Variants in TAF1B observed in about 807,000 individuals in gnomAD.
TAF1B encodes the protein TATA box-binding protein-associated factor RNA polymerase I subunit B.
In TAF1B, 61 loss-of-function variants were observed where a neutral mutation model predicts 83.9. The ratio of observed to expected loss-of-function variants is 0.73; its 90% CI spans 0.59 to 0.90. The LOEUF (loss-of-function observed/expected upper bound fraction) is 0.90, where lower values mean the gene tolerates loss of function less well. TAF1B is among the 40% of genes least tolerant of loss of function. TAF1B has a pLI of 0.00. For synonymous variants in TAF1B, 221 were observed against 224.6 expected (o/e 0.98, Z 0.14); for missense variants, 625 against 677.0 (o/e 0.92, Z 0.85).
intron 5 of TAF1B, among the ~76,000 whole-genome samples, chr2:9,865,260 A>G (rs1395143718): frequency 1.3e-5 from 2 of 152,222 alleles, no homozygotes; most frequent in Non-Finnish European, 2.9e-5. Context: ...TACAAAATCA[A>G]TGTGCAAAAA....
In TAF1B at chr2:9,868,386, C is replaced by T. The variant is rs1664061957; in HGVS notation, c.510C>T (p.Ile170=). 1.2e-6 allele frequency: 2 copies of T among 1,613,854 alleles called. No homozygotes were observed. Among genetic ancestry groups the T allele is most frequent in the South Asian group, 2.2e-5 (2 of 91,056 alleles). Residue 170 remains isoleucine, a synonymous_variant, in exon 6 of 15, where the codon ATC becomes ATT. Transcript: ENST00000263663. ...GTGGAGCGGAGTCTCAGTCTGACAT[C>T]CACACTCGAAAACCTTTCCCCGTCA... The part of the protein sequence containing the change: ...LESGAESQSD[I]HTRKPFPVSK...
chr2:9,849,475 C>G lies in TAF1B; in HGVS notation c.205+15C>G. 10 of 1,502,150 alleles carry G rather than the reference C, an allele frequency of 6.7e-6. No individual in the cohort carries two copies. The highest frequency in any genetic ancestry group is 8.9e-6 in the Non-Finnish European group (10 of 1,117,690). 93.1% of individuals were successfully genotyped at this position (1,502,150 alleles called of 1,614,324 possible). On this transcript the variant is annotated intron_variant, in intron 3 of 14. Transcript: ENST00000263663. ...AAACAATACTGGTAAGTTCTTTCTT[C>G]ATATGTACTTAACATTCTTTATTCA...
intron 2 of TAF1B, among the ~76,000 whole-genome samples, chr2:9,847,606 A>G (rs1392862894): frequency 1.3e-5 from 2 of 152,122 alleles, no homozygotes; most frequent in African/African-American, 2.4e-5. Context: ...TTCCAGATTG[A>G]TAAAGGAACC....
chr2:9,860,929 G>A (rs2087976594), intron 5 of TAF1B, among the ~76,000 whole-genome samples: 1 of 152,188 alleles, frequency 6.6e-6, no homozygotes, highest in East Asian at 1.9e-4. Flanking sequence ...ATGGTTGCTG[G>A]GGTCAAGGGA....
In TAF1B at chr2:9,843,478, C is replaced by T; in HGVS notation, c.-64C>T. 6.6e-7 allele frequency: 1 copy of T among 1,514,408 alleles called. No homozygotes were observed. Among genetic ancestry groups the T allele is most frequent in the South Asian group, 1.2e-5 (1 of 82,124 alleles). 93.8% of individuals were successfully genotyped at this position (1,514,408 alleles called of 1,614,324 possible). ...CCGGCCGGAAGCTTCTCCAGCCTTT[C>T]CCGGAAGCTGCGCTCGCTACCCGGG... is the stretch of plus-strand genomic sequence containing the variant. On this transcript the variant is annotated 5_prime_UTR_variant, in exon 1 of 15. Transcript: ENST00000263663.
chr2:9,853,454 AG>A (rs1204591715), intron 4 of TAF1B, among the ~76,000 whole-genome samples: 1 of 151,902 alleles, frequency 6.6e-6, no homozygotes, highest in Non-Finnish European at 1.5e-5. Flanking sequence ...TAAATGGAAA[AG>A]TCTTTCTGTT....
At chr2:9,863,916 C>T (rs1663870142) in intron 5 of TAF1B, among the ~76,000 whole-genome samples, 1 of 152,040 alleles carries the variant, frequency 6.6e-6, no homozygotes, top group African/African-American at 2.4e-5. Flanking sequence ...AAAGACACAA[C>T]ATACCAGAAC....
intron 3 of TAF1B, among the ~76,000 whole-genome samples, chr2:9,851,289 C>T (rs962852007): frequency 3.3e-5 from 5 of 151,780 alleles, no homozygotes; most frequent in African/African-American, 7.3e-5. Flanking sequence ...CATTTGAAAT[C>T]GGAAATTATA....
At chr2:9,869,933 C>T (rs559758320) in intron 6 of TAF1B, among the ~76,000 whole-genome samples, 32 of 151,984 alleles carry the variant, frequency 2.1e-4, no homozygotes, top group Admixed American at 5.9e-4. Context: ...CAGATAGTCA[C>T]GAAGAAAATA....
chr2:9,867,302 C>T (rs964306830), intron 5 of TAF1B, among the ~76,000 whole-genome samples: 1 of 152,120 alleles, frequency 6.6e-6, no homozygotes, highest in Non-Finnish European at 1.5e-5. Context: ...CAGGCAGAGG[C>T]AGAGTATGTG....
At chr2:9,912,753 T>A (rs1344497825) in intron 11 of TAF1B, among the ~76,000 whole-genome samples, 2 of 152,226 alleles carry the variant, frequency 1.3e-5, no homozygotes, top group Non-Finnish European at 2.9e-5. Context: ...AAGTTGTGAT[T>A]TACTCCAGGT....
chr2:9,926,821 AAGAG>A (rs386389506), intron 14 of TAF1B, among the ~76,000 whole-genome samples: 2 of 151,398 alleles, frequency 1.3e-5, no homozygotes, highest in South Asian at 2.1e-4. Flanking sequence ...AAAAAAAAAA[AAGAG>A]AGATTGGCAG....
In TAF1B at chr2:9,843,528, C is replaced by T. The variant is rs530431227; in HGVS notation, c.-14C>T. Reference sequence around the variant, plus strand: ...GTAACGGGTCCCGGCTGTGGAAGCTCCCGCGGCGCCGCGATGGACCTCGAG... The same window carrying T: ...GTAACGGGTCCCGGCTGTGGAAGCTTCCGCGGCGCCGCGATGGACCTCGAG... On this transcript the variant is annotated 5_prime_UTR_variant, in exon 1 of 15. Coordinates refer to ENST00000263663, the MANE Select transcript of TAF1B (RefSeq NM_005680.3). 29 of 1,523,342 alleles carry T rather than the reference C, an allele frequency of 1.9e-5. No individual in the cohort carries two copies. Among genetic ancestry groups the T allele is most frequent in the South Asian group, 1.7e-4 (14 of 82,078 alleles). 94.4% of individuals were successfully genotyped at this position (1,523,342 alleles called of 1,614,324 possible).
At chr2:9,863,162 A>G (rs1229360642) in intron 5 of TAF1B, among the ~76,000 whole-genome samples, 1 of 152,228 alleles carries the variant, frequency 6.6e-6, no homozygotes, top group Non-Finnish European at 1.5e-5. Context: ...AAATTGGATA[A>G]AGAGTCAAGA....
intron 8 of TAF1B, among the ~76,000 whole-genome samples, chr2:9,902,563 T>C (rs1410194170): frequency 6.6e-6 from 1 of 152,212 alleles, no homozygotes; most frequent in African/African-American, 2.4e-5. Context: ...GATTCATTGT[T>C]ACATGTAGCA....
intron 14 of TAF1B, among the ~76,000 whole-genome samples, chr2:9,929,190 G>A (rs946417102): frequency 1.7e-4 from 23 of 135,456 alleles, no homozygotes; most frequent in South Asian, 7.2e-4. Context: ...ACGGAGTCTC[G>A]CTCTGTCGCC....
chr2:9,898,413 T>G (rs1665083660), intron 8 of TAF1B, among the ~76,000 whole-genome samples: 1 of 152,186 alleles, frequency 6.6e-6, no homozygotes, highest in Non-Finnish European at 1.5e-5. Flanking sequence ...CCACAGAAGA[T>G]TTGAGGTAGA....
At chr2:9,906,327 C>G (rs1047745788) in intron 9 of TAF1B, among the ~76,000 whole-genome samples, 2 of 152,030 alleles carry the variant, frequency 1.3e-5, no homozygotes, top group Non-Finnish European at 1.5e-5. Context: ...AGAAATAAAT[C>G]CGTTACAATA....
chr2:9,855,289 C>G (rs897888737), intron 5 of TAF1B, among the ~76,000 whole-genome samples: 4 of 152,200 alleles, frequency 2.6e-5, no homozygotes, highest in African/African-American at 9.6e-5. Context: ...GCCACTGCGC[C>G]CAGCCAGTTG....
Sources: gnomAD v4.1 joint callset for allele counts (sites outside exome capture counted in the v4.1 genomes callset) on GRCh38, gnomAD v4.1.1 for gene constraint, MANE v1.5 for transcripts, NCBI Gene and HGNC (gene_info 2026-07-23, HGNC 2026-07-21) for gene names.